The following KDM5A variants were observed in gnomAD, a reference collection of about 807,000 sequenced individuals.
KDM5A encodes the protein lysine-specific demethylase 5A.
KDM5A carries 42 observed loss-of-function variants against 193.5 expected under a neutral mutation model. That is an observed-to-expected ratio of 0.22 (90% CI 0.17 to 0.28). The LOEUF is 0.28. Ranked by LOEUF, KDM5A falls within the 10% of genes least tolerant of loss-of-function variation. KDM5A has a pLI of 1.00. For synonymous variants in KDM5A, 796 were observed against 718.1 expected (o/e 1.11, Z -1.73); for missense variants, 1,692 against 2,055.1 (o/e 0.82, Z 3.42).
chr12:308,918 C>T (rs1565529104), intron 22 of KDM5A, among the ~76,000 whole-genome samples: 1 of 152,186 alleles, frequency 6.6e-6, no homozygotes, highest in Admixed American at 6.5e-5. Flanking sequence ...TAATTCTCAT[C>T]AACTACAAAT....
chr12:297,983 A>C (rs1943395133), intron 24 of KDM5A, among the ~76,000 whole-genome samples: 1 of 152,136 alleles, frequency 6.6e-6, no homozygotes, highest in South Asian at 2.1e-4. Context: ...AAAAATTACT[A>C]TTGCTCTCTA....
At chr12:341,987 T>C (rs1036786782) in intron 10 of KDM5A, among the ~76,000 whole-genome samples, 6 of 150,646 alleles carry the variant, frequency 4.0e-5, no homozygotes, top group African/African-American at 1.5e-4. Flanking sequence ...AAATCAACCA[T>C]AGCAATAATT....
chr12:311,653 A>G (rs1943587717), intron 20 of KDM5A, among the ~76,000 whole-genome samples: 1 of 152,264 alleles, frequency 6.6e-6, no homozygotes, highest in Admixed American at 6.5e-5. Flanking sequence ...CTGTCCAGAT[A>G]AAAACAGAAA....
intron 19 of KDM5A, among the ~76,000 whole-genome samples, chr12:316,869 T>TA (rs1324627199): frequency 1.3e-5 from 2 of 152,198 alleles, no homozygotes; most frequent in African/African-American, 4.8e-5. Context: ...GCATCCAAAG[T>TA]AAGTGGCTGG....
chr12:293,125 G>C lies in KDM5A; in HGVS notation c.4500C>G (p.Asp1500Glu). 6.2e-7 allele frequency: 1 copy of C among 1,608,330 alleles called. No individual in the cohort carries two copies. Among genetic ancestry groups the C allele is most frequent in the Non-Finnish European group, 8.5e-7 (1 of 1,178,668 alleles). The change falls in exon 27 of 28, where the codon GAC becomes GAG. Residue 1500 changes from aspartate to glutamate, a missense_variant. Asp to Glu is a conservative substitution (Grantham distance 45). Coordinates refer to ENST00000399788, the MANE Select transcript of KDM5A (RefSeq NM_001042603.3). ...TCCGTTTCCGTTTCTTCTCTGAAGAGTCCTTTCCTTTCACTTTTAGTGGTT... is the reference window on the plus strand; with the variant it reads ...TCCGTTTCCGTTTCTTCTCTGAAGACTCCTTTCCTTTCACTTTTAGTGGTT... ...EEKPLKVKGK[D>E]SSEKKRKRKL...
chr12:339,249 G>A (rs1943971544), intron 10 of KDM5A, among the ~76,000 whole-genome samples: 1 of 151,422 alleles, frequency 6.6e-6, no homozygotes, highest in Non-Finnish European at 1.5e-5. Context: ...TATCACAGAA[G>A]CTCAACACAA....
intron 10 of KDM5A, among the ~76,000 whole-genome samples, chr12:337,891 C>G (rs1208046479): frequency 1.3e-5 from 2 of 152,154 alleles, no homozygotes; most frequent in African/African-American, 4.8e-5. Context: ...GATCTGCCCG[C>G]CCTGACCTCC....
At chr12:357,234 G>A (rs778143229) in intron 5 of KDM5A, among the ~76,000 whole-genome samples, 5 of 151,736 alleles carry the variant, frequency 3.3e-5, no homozygotes, top group Non-Finnish European at 5.9e-5. Flanking sequence ...GCGAGATCAC[G>A]CTGCTGCACT....
At chr12:312,512 C>G (rs1256460992) in intron 20 of KDM5A, among the ~76,000 whole-genome samples, 1 of 151,960 alleles carries the variant, frequency 6.6e-6, no homozygotes, top group Non-Finnish European at 1.5e-5. Flanking sequence ...TAACTAATTC[C>G]ATCATCTTTC....
At chr12:299,136 C>T (rs149544532) in intron 24 of KDM5A, among the ~76,000 whole-genome samples, 1 of 152,240 alleles carries the variant, frequency 6.6e-6, no homozygotes, top group East Asian at 1.9e-4. Flanking sequence ...AGGATATTAT[C>T]CAGGAGAACT....
At chr12:354,716 G>A (rs551579976) in intron 7 of KDM5A, among the ~76,000 whole-genome samples, 41 of 151,828 alleles carry the variant, frequency 2.7e-4, no homozygotes, top group Non-Finnish European at 4.6e-4. Context: ...GCAGTGAGCC[G>A]AGATCGCACC....
intron 3 of KDM5A, among the ~76,000 whole-genome samples, chr12:377,656 G>A (rs1250320345): frequency 6.6e-6 from 1 of 152,152 alleles, no homozygotes; most frequent in Non-Finnish European, 1.5e-5. Context: ...TTGTACACAA[G>A]CAAAAGGTCC....
At chr12:375,809 T>A (rs977190847) in intron 3 of KDM5A, among the ~76,000 whole-genome samples, 2 of 152,244 alleles carry the variant, frequency 1.3e-5, no homozygotes, top group African/African-American at 4.8e-5. Context: ...GTCAGGACCC[T>A]CAGCTGCAGG....
chr12:330,097 A>ATATATATC (rs1248827358), intron 13 of KDM5A, among the ~76,000 whole-genome samples: 1 of 116,756 alleles, frequency 8.6e-6, no homozygotes, highest in South Asian at 2.6e-4. Context: ...ATATATATAT[A>ATATATATC]TCTTATGATT....
intron 10 of KDM5A, among the ~76,000 whole-genome samples, chr12:339,038 CGT>C (rs1943968020): frequency 6.6e-6 from 1 of 151,896 alleles, no homozygotes; most frequent in Non-Finnish European, 1.5e-5. Context: ...AGTAGCCGGG[CGT>C]GGTGGTGCGT....
intron 17 of KDM5A, 181 bp downstream of exon 17, chr12:322,236 G>A (rs1591912389): frequency 3.2e-6 from 2 of 625,928 alleles, no homozygotes; most frequent in East Asian, 5.5e-5. Context: ...GAACACTGCA[G>A]GCTGGAGCAA....
In KDM5A at chr12:281,259, T is replaced by C. The variant is rs1032986573; in HGVS notation, c.*4197A>G. On this transcript the variant is annotated 3_prime_UTR_variant, in exon 28 of 28. Transcript: ENST00000399788. ...TACCCTGATAAATTGTAAATAAATA[T>C]GTAAGGGAATAATCAATAGGGAGTC... is the stretch of plus-strand genomic sequence containing the variant. 1.3e-5 allele frequency: 3 copies of C among 233,168 alleles called. No homozygotes were observed. The highest frequency in any genetic ancestry group is 1.7e-5 in the Non-Finnish European group (2 of 117,984). The allele number at this position is 233,168 out of a possible 1,614,324, so 14.4% of individuals were successfully genotyped here. A position where few individuals can be genotyped will look rare whatever the true frequency, so the allele number is the denominator to read the frequency against.
intron 19 of KDM5A, among the ~76,000 whole-genome samples, chr12:316,093 G>T (rs1473947491): frequency 6.6e-6 from 1 of 152,182 alleles, no homozygotes; most frequent in African/African-American, 2.4e-5. Flanking sequence ...AGAATCTCAA[G>T]AAAATAATGG....
At chr12:335,137 A>G (rs560661242) in intron 10 of KDM5A, among the ~76,000 whole-genome samples, 1 of 152,378 alleles carries the variant, frequency 6.6e-6, no homozygotes, top group African/African-American at 2.4e-5. Context: ...TCATAGGTGA[A>G]CCCAAAAGAA....
Sources: gnomAD v4.1 joint callset for allele counts (sites outside exome capture counted in the v4.1 genomes callset) on GRCh38, gnomAD v4.1.1 for gene constraint, MANE v1.5 for transcripts, NCBI Gene and HGNC (gene_info 2026-07-23, HGNC 2026-07-21) for gene names.